Variants in SMOC2 observed in about 807,000 individuals in gnomAD.
The protein encoded by SMOC2 is SPARC-related modular calcium-binding protein 2.
Under a neutral mutation model 61.4 loss-of-function variants are expected in SMOC2, and 39 were observed. The ratio of observed to expected loss-of-function variants is 0.64; its 90% confidence interval spans 0.49 to 0.83. The LOEUF is 0.83. Ranked by LOEUF, SMOC2 falls within the 40% of genes least tolerant of loss-of-function variation. SMOC2 has a pLI of 0.00. For synonymous variants in SMOC2, 247 were observed against 239.9 expected, an observed-to-expected ratio of 1.03 and a Z score of -0.27; for missense variants, 556 against 592.9, an observed-to-expected ratio of 0.94 and a Z score of 0.65.
chr6:168,455,985 C>G (rs1199363992), intron 1 of SMOC2, among the ~76,000 whole-genome samples: 5 of 152,222 alleles, frequency 3.3e-5, no homozygotes, highest in African/African-American at 4.8e-5. Flanking sequence ...AAGGGCGCGG[C>G]ACTCAGGCAG....
chr6:168,500,153 G>A (rs926531666), intron 1 of SMOC2, among the ~76,000 whole-genome samples: 2 of 151,840 alleles, frequency 1.3e-5, no homozygotes, highest in African/African-American at 4.8e-5. Context: ...GCTGGGCATG[G>A]TGGCCCCTGT....
At chr6:168,555,564 G>C (rs1007516815) in intron 7 of SMOC2, among the ~76,000 whole-genome samples, 2 of 152,182 alleles carry the variant, frequency 1.3e-5, no homozygotes, top group Non-Finnish European at 2.9e-5. Flanking sequence ...TGGGATGGAC[G>C]TATGGCGTCC....
chr6:168,659,700 G>A (rs79276680), intron 11 of SMOC2, among the ~76,000 whole-genome samples: 19 of 67,636 alleles, frequency 2.8e-4, no homozygotes, highest in East Asian at 5.1e-4. Flanking sequence ...TAGGGTGAGG[G>A]TGGAGGTTGT....
intron 7 of SMOC2, among the ~76,000 whole-genome samples, chr6:168,575,175 C>T (rs1156696009): frequency 1.3e-5 from 2 of 152,190 alleles, no homozygotes; most frequent in Non-Finnish European, 2.9e-5. Flanking sequence ...AGTGTTAATT[C>T]TCACAGGGAA....
At chr6:168,531,381 C>T (rs528358767) in intron 4 of SMOC2, among the ~76,000 whole-genome samples, 5 of 152,318 alleles carry the variant, frequency 3.3e-5, no homozygotes, top group South Asian at 4.1e-4. Context: ...AAACGTGCAA[C>T]GCCACTGAAA....
At position 168,647,226 on chromosome 6, in the gene SMOC2, C is replaced by T. The variant is rs146171741; in HGVS notation, c.908-3455C>T. Among the ~76,000 whole-genome samples the T allele has an allele frequency of 2.3e-3, 350 of 152,312 alleles. 2 individuals carry two copies. The highest frequency in any genetic ancestry group is 8.1e-3 in the African/African-American group (338 of 41,568). On this transcript the variant is annotated intron_variant, in intron 9 of 12. Coordinates refer to ENST00000356284, the MANE Select transcript of SMOC2 (RefSeq NM_001166412.2). ...GGTACATCGCTGAGCCTGCATGCGGCAGTTTTGACGCCAACCCTTCCATGA... is the reference window on the plus strand; with the variant it reads ...GGTACATCGCTGAGCCTGCATGCGGTAGTTTTGACGCCAACCCTTCCATGA...
chr6:168,476,573 A>G (rs1782093178), intron 1 of SMOC2, among the ~76,000 whole-genome samples: 2 of 151,976 alleles, frequency 1.3e-5, no homozygotes, highest in South Asian at 4.1e-4. Flanking sequence ...GAAAATATAT[A>G]ACAGATATTT....
intron 1 of SMOC2, among the ~76,000 whole-genome samples, chr6:168,503,972 T>C (rs921755094): frequency 6.6e-6 from 1 of 152,198 alleles, no homozygotes; most frequent in Non-Finnish European, 1.5e-5. Flanking sequence ...GTTTTCTGTT[T>C]GAACCCCGGT....
In SMOC2 at chr6:168,494,588, G is replaced by A. The variant is rs74582366; in HGVS notation, c.85-15327G>A. Among the ~76,000 whole-genome samples the A allele has an allele frequency of 6.3e-3, 959 of 152,354 alleles. 10 individuals are homozygous for A. The highest frequency in any genetic ancestry group is 0.022 in the African/African-American group (931 of 41,584). On this transcript the variant is annotated intron_variant, in intron 1 of 12. Coordinates refer to ENST00000356284, the MANE Select transcript of SMOC2 (RefSeq NM_001166412.2). ...AGATAGGGGATCACTTCCTAAGCAC[G>A]TTGAAAATGAGTGGGCAGTGCCCTT...
Position 168,663,923 on chromosome 6 carries a change from A to G in SMOC2, c.1286-151A>G, listed in dbSNP as rs1334227052. ...ACCAATCCCTTCTGGATACTGAGGAATGACTGTATGTGGTTTTTTTCATAT... is the reference window on the plus strand; with the variant it reads ...ACCAATCCCTTCTGGATACTGAGGAGTGACTGTATGTGGTTTTTTTCATAT... On this transcript the variant is annotated intron_variant, in intron 11 of 12. Coordinates refer to ENST00000356284, the MANE Select transcript of SMOC2 (RefSeq NM_001166412.2). The G allele has an allele frequency of 1.8e-5, 11 of 623,266 alleles. No homozygotes were observed. In the East Asian group the frequency reaches 3.1e-4, roughly 17 times the overall value. 38.6% of individuals were successfully genotyped at this position (623,266 alleles called of 1,614,324 possible). A position where few individuals can be genotyped will look rare whatever the true frequency, so the allele number is the denominator to read the frequency against.
rs566395350 is a variant in SMOC2 at position 168,573,703 on chromosome 6, T to C, written c.637+24500T>C. 3.1e-3 allele frequency among the ~76,000 whole-genome samples: 467 copies of C among 152,198 alleles called. 5 individuals carry two copies. The highest frequency in any genetic ancestry group is 0.011 in the African/African-American group (441 of 41,530). On this transcript the variant is annotated intron_variant, in intron 7 of 12. Coordinates refer to ENST00000356284, the MANE Select transcript of SMOC2 (RefSeq NM_001166412.2). The stretch of plus-strand genomic sequence containing the variant: ...CTGGTATCCGCTTCACACCACAGCC[T>C]CAGGACCCTGTCTCCCCAGCAGGAC...
At chr6:168,446,136 G>A (rs1348760042) in intron 1 of SMOC2, among the ~76,000 whole-genome samples, 1 of 152,260 alleles carries the variant, frequency 6.6e-6, no homozygotes, top group African/African-American at 2.4e-5. Context: ...GCCAAGGCGG[G>A]TGGATCATCT....
At chr6:168,665,637 C>T (rs1299594758) in intron 12 of SMOC2, among the ~76,000 whole-genome samples, 4 of 152,348 alleles carry the variant, frequency 2.6e-5, no homozygotes, top group East Asian at 3.9e-4. Context: ...GTTAGTCCAC[C>T]GTCTCCTCCT....
intron 5 of SMOC2, 144 bp from the exon 6 acceptor site, chr6:168,546,975 T>G: frequency 1.1e-6 from 1 of 900,470 alleles, no homozygotes; most frequent in Non-Finnish European, 1.8e-6. Context: ...GCAGGCAGCA[T>G]CGCGTTGGGT....
intron 2 of SMOC2, among the ~76,000 whole-genome samples, chr6:168,518,097 C>T (rs1329151312): frequency 6.6e-6 from 1 of 152,226 alleles, no homozygotes; most frequent in Admixed American, 6.5e-5. Context: ...CACACCTGCC[C>T]GTTCCTCGGA....
At chr6:168,608,023 TG>T (rs1785755733) in intron 8 of SMOC2, 133 bp from the exon 9 acceptor site, 2 of 731,810 alleles carry the variant, frequency 2.7e-6, no homozygotes, top group Admixed American at 2.7e-5. Context: ...GAGGAGGTCA[TG>T]GGTGTCATAG....
chr6:168,475,713 C>A lies in SMOC2; in HGVS notation c.85-34202C>A, dbSNP rs1362304657. On this transcript the variant is annotated intron_variant, in intron 1 of 12. Coordinates refer to ENST00000356284, the MANE Select transcript of SMOC2 (RefSeq NM_001166412.2). The surrounding 1 kb of genome is among the most constrained non-coding windows in gnomAD (Gnocchi z 4.6). ...GCCACGTGTGAGACCTGGTGTGGGT[C>A]GAGGACACTGCTCGGCGTTAGAAGA... Among the ~76,000 whole-genome samples the A allele has an allele frequency of 6.6e-6, 1 of 152,044 alleles. No homozygotes were observed. The highest frequency in any genetic ancestry group is 1.5e-5 in the Non-Finnish European group (1 of 67,986).
At chr6:168,632,707 C>CCATCTGT (rs1786601526) in intron 9 of SMOC2, among the ~76,000 whole-genome samples, 1 of 152,194 alleles carries the variant, frequency 6.6e-6, no homozygotes, top group Admixed American at 6.5e-5. Flanking sequence ...GTTTGATATA[C>CCATCTGT]AGATGGTTAA....
chr6:168,600,704 G>A (rs1785530060), intron 8 of SMOC2, among the ~76,000 whole-genome samples: 1 of 152,212 alleles, frequency 6.6e-6, no homozygotes, highest in African/African-American at 2.4e-5. Context: ...TTCATAAAGT[G>A]AAAGAACCGA....
Sources: gnomAD v4.1 joint callset for allele counts (sites outside exome capture counted in the v4.1 genomes callset) on GRCh38, gnomAD v4.1.1 for gene constraint, Gnocchi (gnomAD v3.1) non-coding constraint, MANE v1.5 for transcripts, NCBI Gene and HGNC (gene_info 2026-07-23, HGNC 2026-07-21) for gene names.